DENND5B: variants seen among roughly 807,000 people sequenced by gnomAD.
DENND5B encodes the protein DENN domain containing 5B.
DENND5B carries 34 observed loss-of-function variants against 140.6 expected under a neutral mutation model. The observed-to-expected ratio is 0.24, with a 90% confidence interval of 0.18 to 0.32. The LOEUF (loss-of-function observed/expected upper bound fraction) is 0.32. DENND5B is among the 10% of genes least tolerant of loss of function. The pLI, the probability that DENND5B is intolerant of heterozygous loss-of-function variation, is 1.00. For missense variants in DENND5B, 1,142 were observed against 1,560.2 expected, an observed-to-expected ratio of 0.73 and a Z score of 4.52; for synonymous variants, 551 against 562.1, an observed-to-expected ratio of 0.98 and a Z score of 0.28.
chr12:31,545,139 G>T (rs1948813443), intron 1 of DENND5B, among the ~76,000 whole-genome samples: 1 of 152,052 alleles, frequency 6.6e-6, no homozygotes, highest in South Asian at 2.1e-4. Flanking sequence ...ATTTTATCCT[G>T]TGAAAAAGAA....
intron 4 of DENND5B, among the ~76,000 whole-genome samples, chr12:31,459,717 C>G (rs1301593228): frequency 2.6e-5 from 4 of 152,144 alleles, no homozygotes; most frequent in Non-Finnish European, 5.9e-5. Flanking sequence ...AAATAACTGG[C>G]CTTGTATCTG....
rs1408665774 is a variant in DENND5B at position 31,573,977 on chromosome 12, A to AC, written c.127+16728_127+16729insG. Among the ~76,000 whole-genome samples, 16 of 152,072 alleles carry AC rather than the reference A, an allele frequency of 1.1e-4. 1 individual carries two copies. The East Asian group carries it at 1.5e-3, about 15-fold the overall frequency. On this transcript the variant is annotated intron_variant, in intron 1 of 20. Coordinates refer to ENST00000389082, the MANE Select transcript of DENND5B (RefSeq NM_144973.4). ...AGACTCTTTATCTCTTAAAAAAAAA[A>AC]AAAAAGGCACAGTGGCTCATGCCTG...
chr12:31,403,748 T>A (rs1360964282), intron 14 of DENND5B, among the ~76,000 whole-genome samples: 1 of 149,518 alleles, frequency 6.7e-6, no homozygotes, highest in African/African-American at 2.5e-5. Context: ...ATACAAAAAT[T>A]AGCCAGGTGT....
At chr12:31,545,881 A>G (rs2253985) in intron 1 of DENND5B, among the ~76,000 whole-genome samples, 147,507 of 148,916 alleles carry the variant, frequency 0.99, 73,056 homozygotes, top group East Asian at 1. Context: ...ATCACTCGAG[A>G]TAGAGGTTGC....
intron 1 of DENND5B, among the ~76,000 whole-genome samples, chr12:31,535,878 A>G (rs76543783): frequency 0.011 from 1,725 of 152,200 alleles, 19 homozygotes; most frequent in East Asian, 0.032. Context: ...CCCACCAAAT[A>G]TCATGTCAAA....
rs1555149777 is a variant in DENND5B at position 31,449,735 on chromosome 12, T to TTTTTTTG, written c.1630-1967_1630-1966insCAAAAAA. Among the ~76,000 whole-genome samples the TTTTTTTG allele has an allele frequency of 9.3e-4, 129 of 138,140 alleles. 2 individuals carry two copies. Among genetic ancestry groups the TTTTTTTG allele is most frequent in the South Asian group, 6.9e-3 (29 of 4,198 alleles). The allele number at this position is 138,140 out of a possible 152,430, so 90.6% of individuals were successfully genotyped here. The stretch of plus-strand genomic sequence containing the variant: ...ACCATGGATATACACAGATTAGTTT[T>TTTTTTTG]TTTTTTTTTTTTTTGAGACAGAGTC... On this transcript the variant is annotated intron_variant, in intron 5 of 20. Coordinates refer to ENST00000389082, the MANE Select transcript of DENND5B (RefSeq NM_144973.4).
At chr12:31,577,880 T>G (rs957959792) in intron 1 of DENND5B, among the ~76,000 whole-genome samples, 3 of 151,826 alleles carry the variant, frequency 2.0e-5, no homozygotes, top group Non-Finnish European at 4.4e-5. Flanking sequence ...ACCTAAGCAC[T>G]TTAGGAGGCC....
At chr12:31,416,681 C>T (rs1942756023) in intron 11 of DENND5B, among the ~76,000 whole-genome samples, 1 of 151,752 alleles carries the variant, frequency 6.6e-6, no homozygotes, top group South Asian at 2.1e-4. Context: ...TGAAGTCACA[C>T]AATTAAACTC....
At chr12:31,567,066 G>A (rs769471212) in intron 1 of DENND5B, among the ~76,000 whole-genome samples, 3 of 152,156 alleles carry the variant, frequency 2.0e-5, no homozygotes, top group Non-Finnish European at 4.4e-5. Context: ...TATTCCTATT[G>A]CAACACCTTA....
At chr12:31,403,111 T>C (rs1941898252) in intron 14 of DENND5B, among the ~76,000 whole-genome samples, 1 of 152,370 alleles carries the variant, frequency 6.6e-6, no homozygotes, top group East Asian at 1.9e-4. Flanking sequence ...TCTTGGGCAA[T>C]GCTTTAAAGC....
Position 31,452,027 on chromosome 12 carries a change from A to G in DENND5B, c.1542T>C (p.Phe514=), listed in dbSNP as rs756147996. ...EVFANRFTQM[F]ADYEAFVIQT... ...GAATGACAAATGCTTCGTAATCTGCAAACATCTGTGTAAAACGGTTAGCAA... is the reference window on the plus strand; with the variant it reads ...GAATGACAAATGCTTCGTAATCTGCGAACATCTGTGTAAAACGGTTAGCAA... Residue 514 remains phenylalanine, a synonymous_variant, in exon 5 of 21, where the codon TTT becomes TTC. Coordinates refer to ENST00000389082, the MANE Select transcript of DENND5B (RefSeq NM_144973.4). The G allele has an allele frequency of 3.7e-6, 6 of 1,613,734 alleles. No individual in the cohort carries two copies. Among genetic ancestry groups the G allele is most frequent in the Non-Finnish European group, 5.1e-6 (6 of 1,179,874 alleles).
At chr12:31,425,411 T>C (rs999090157) in intron 9 of DENND5B, among the ~76,000 whole-genome samples, 5 of 152,236 alleles carry the variant, frequency 3.3e-5, no homozygotes, top group African/African-American at 4.8e-5. Context: ...CCCAGCATCT[T>C]AGCATACTAA....
chr12:31,490,147 AG>A (rs1334029393), intron 2 of DENND5B, among the ~76,000 whole-genome samples: 2 of 147,162 alleles, frequency 1.4e-5, no homozygotes, highest in Non-Finnish European at 3.0e-5. Flanking sequence ...CACTGACAAA[AG>A]ACTGGTGGGA....
chr12:31,497,311 T>G (rs1470231057), intron 1 of DENND5B, among the ~76,000 whole-genome samples: 1 of 152,258 alleles, frequency 6.6e-6, no homozygotes, highest in African/African-American at 2.4e-5. Flanking sequence ...TTTAGATTCC[T>G]CTGACTTATT....
At chr12:31,410,252 T>G (rs934150121) in intron 13 of DENND5B, among the ~76,000 whole-genome samples, 1 of 152,202 alleles carries the variant, frequency 6.6e-6, no homozygotes, top group Non-Finnish European at 1.5e-5. Context: ...AATTTTACTT[T>G]TAGGATTCAG....
At chr12:31,440,505 C>T (rs375023205) in intron 7 of DENND5B, among the ~76,000 whole-genome samples, 22 of 152,316 alleles carry the variant, frequency 1.4e-4, no homozygotes, top group East Asian at 5.8e-4. Flanking sequence ...GAACAATTTT[C>T]CTCCCCAAGA....
chr12:31,485,173 G>A (rs1199837974), intron 2 of DENND5B, among the ~76,000 whole-genome samples: 4 of 152,140 alleles, frequency 2.6e-5, no homozygotes, highest in African/African-American at 9.7e-5. Flanking sequence ...CAACAGAAAG[G>A]GCCCAATTCT....
At chr12:31,495,632 T>C (rs996758799) in intron 2 of DENND5B, among the ~76,000 whole-genome samples, 178 bp downstream of exon 2, 1 of 152,104 alleles carries the variant, frequency 6.6e-6, no homozygotes, top group African/African-American at 2.4e-5. Context: ...TGCCTCGGCC[T>C]CCCAAAGTGC....
At chr12:31,584,447 T>C (rs1322636449) in intron 1 of DENND5B, among the ~76,000 whole-genome samples, 1 of 152,222 alleles carries the variant, frequency 6.6e-6, no homozygotes, top group Non-Finnish European at 1.5e-5. Flanking sequence ...AATTAAATGA[T>C]CATTATACCA....
Sources: gnomAD v4.1 joint callset for allele counts (sites outside exome capture counted in the v4.1 genomes callset) on GRCh38, gnomAD v4.1.1 for gene constraint, MANE v1.5 for transcripts, NCBI Gene and HGNC (gene_info 2026-07-23, HGNC 2026-07-21) for gene names.